Variants in EHMT2 observed in about 807,000 individuals in gnomAD.
EHMT2 encodes euchromatic histone lysine methyltransferase 2, also known as histone-lysine N-methyltransferase EHMT2.
A neutral mutation model predicts 143.3 loss-of-function variants in EHMT2; 59 were observed. The ratio of observed to expected loss-of-function variants is 0.41; its 90% CI spans 0.33 to 0.51. EHMT2 has a LOEUF of 0.51. Ranked by LOEUF, EHMT2 falls within the 20% of genes least tolerant of loss-of-function variation. The pLI is 0.18. For synonymous variants in EHMT2, 604 were observed against 651.5 expected, an observed-to-expected ratio of 0.93 and a Z score of 1.11; for missense variants, 1,174 against 1,645.9, an observed-to-expected ratio of 0.71 and a Z score of 4.96.
chr6:31,883,306 G>A lies in EHMT2; in HGVS notation c.2994+56C>T, dbSNP rs1283442584. ...GTCCCAGGGAGCTGGTTTATTGGAG[G>A]CTGGCTCCTCTGAAGGAGGGGCCGG... is the stretch of plus-strand genomic sequence containing the variant. On this transcript the variant is annotated intron_variant, in intron 23 of 27. Transcript: ENST00000375537. The surrounding 1 kb of genome is among the most constrained non-coding windows in gnomAD (Gnocchi z 5.6). 4 of 1,549,538 alleles carry A rather than the reference G, an allele frequency of 2.6e-6. No individual in the cohort carries two copies. The highest frequency in any genetic ancestry group is 2.7e-5 in the African/African-American group (2 of 73,678).
exon 28 of EHMT2, chr6:31,879,919 G>T: frequency 1.2e-6 from 1 of 831,208 alleles, no homozygotes; most frequent in Non-Finnish European, 1.8e-6. Flanking sequence ...GGGAGGGGCT[G>T]TCAGACCTCC....
intron 18 of EHMT2, chr6:31,885,398 C>G (rs1407596593): frequency 1.2e-5 from 2 of 170,262 alleles, no homozygotes; most frequent in African/African-American, 4.8e-5. Flanking sequence ...TGGCGTGAAC[C>G]CGGGAGGCGG....
Position 31,889,993 on chromosome 6 carries a change from C to T in EHMT2, c.865-391G>A, listed in dbSNP as rs906927289. On this transcript the variant is annotated intron_variant, in intron 7 of 27. Coordinates refer to ENST00000375537, the Ensembl canonical transcript of EHMT2. The surrounding 1 kb of genome is among the most constrained non-coding windows in gnomAD (Gnocchi z 5.1). Reference sequence around the variant, plus strand: ...AAGGTTCAGGCTGACATCACCTGAACCCACTGGTCAATCTTATCACTAACA... The same window carrying T: ...AAGGTTCAGGCTGACATCACCTGAATCCACTGGTCAATCTTATCACTAACA... Among the ~76,000 whole-genome samples, 1 of 152,174 alleles carries T rather than the reference C, an allele frequency of 6.6e-6. No homozygotes were observed. Among genetic ancestry groups the T allele is most frequent in the Non-Finnish European group, 1.5e-5 (1 of 68,028 alleles).
intron 1 of EHMT2, 173 bp from the exon 2 acceptor site, chr6:31,897,162 C>T (rs749360710): frequency 7.5e-7 from 1 of 1,336,546 alleles, no homozygotes; most frequent in Non-Finnish European, 9.6e-7. Context: ...ACCCCTCCCC[C>T]GGGCCCGCAT....
At position 31,883,505 on chromosome 6, in the gene EHMT2, C is replaced by A; in HGVS notation, c.2917-66G>T. The A allele has an allele frequency of 6.8e-7, 1 of 1,475,822 alleles. No homozygotes were observed. Among genetic ancestry groups the A allele is most frequent in the Non-Finnish European group, 9.3e-7 (1 of 1,072,406 alleles). The allele number at this position is 1,475,822 out of a possible 1,614,324, so 91.4% of individuals were successfully genotyped here. On this transcript the variant is annotated intron_variant, in intron 22 of 27. Coordinates refer to ENST00000375537, the Ensembl canonical transcript of EHMT2. This position sits in a 1 kb window ranked among gnomAD's most constrained non-coding sequence, Gnocchi z 5.6. ...GTCTGGGCCCCTCTACTCTTGATGC[C>A]CCCTGACCCCCTAACCACTGTCCTT...
Position 31,889,492 on chromosome 6 carries a change from C to T in EHMT2, c.975G>A (p.Glu325=), listed in dbSNP as rs756653014. The change falls in exon 8 of 28, where the codon GAG becomes GAA. Residue 325 remains glutamate, a synonymous_variant. Transcript: ENST00000375537. The surrounding 1 kb of genome is among the most constrained non-coding windows in gnomAD (Gnocchi z 5.1). ...CCCTATCTGACTGATTCCCTGACTCCTCATCTTCCTCTTCTTCTTCCTCTT... is the reference window on the plus strand; with the variant it reads ...CCCTATCTGACTGATTCCCTGACTCTTCATCTTCCTCTTCTTCTTCCTCTT... The T allele has an allele frequency of 1.2e-5, 19 of 1,612,764 alleles. 1 individual carries two copies. In the South Asian group the frequency reaches 2.0e-4, roughly 17 times the overall value.
At chr6:31,886,504 C>A in intron 18 of EHMT2, 77 bp downstream of exon 18, 1 of 1,326,084 alleles carries the variant, frequency 7.5e-7, no homozygotes, top group Admixed American at 2.0e-5. Context: ...GTAGGAAAGG[C>A]GGCCCAAAGC....
At position 31,884,816 on chromosome 6, in the gene EHMT2, G is replaced by A. The variant is rs777843303; in HGVS notation, c.2449-17C>T. 1 of 1,588,498 alleles carries A rather than the reference G, an allele frequency of 6.3e-7. No homozygotes were observed. Among genetic ancestry groups the A allele is most frequent in the Non-Finnish European group, 8.6e-7 (1 of 1,165,050 alleles). On this transcript the variant is annotated splice_polypyrimidine_tract_variant and intron_variant, in intron 19 of 27. Transcript: ENST00000375537. The surrounding 1 kb of genome is among the most constrained non-coding windows in gnomAD (Gnocchi z 7.3). ...GTTCTCCTCCTGTGGAGGTAGGAGG[G>A]GAACAGATGAGGTGCAGGCAGCTGG... is the stretch of plus-strand genomic sequence containing the variant.
At chr6:31,887,955 C>T (rs770053575) in exon 14 of EHMT2, 9 of 1,593,004 alleles carry the variant, frequency 5.6e-6, no homozygotes, top group Non-Finnish European at 7.7e-6. Flanking sequence ...GCCCTCGCAT[C>T]CGGGCACTGT....
chr6:31,896,976 G>A, exon 2 of EHMT2: 1 of 1,579,272 alleles, frequency 6.3e-7, no homozygotes. Flanking sequence ...CCCCATCTCA[G>A]CGGGGGCCTC....
Position 31,889,701 on chromosome 6 carries a change from C to G in EHMT2, c.865-99G>C. On this transcript the variant is annotated intron_variant, in intron 7 of 27. Transcript: ENST00000375537. The surrounding 1 kb of genome is among the most constrained non-coding windows in gnomAD (Gnocchi z 5.1). Reference sequence around the variant, plus strand: ...CACCATTGCCCCCCGCCACTACCCACGGATGGCTGCTGGGGATAAGTGTGG... The same window carrying G: ...CACCATTGCCCCCCGCCACTACCCAGGGATGGCTGCTGGGGATAAGTGTGG... The G allele has an allele frequency of 2.0e-6, 3 of 1,466,360 alleles. No individual in the cohort carries two copies. The highest frequency in any genetic ancestry group is 2.8e-6 in the Non-Finnish European group (3 of 1,065,770). The allele number at this position is 1,466,360 out of a possible 1,614,324, so 90.8% of individuals were successfully genotyped here. A position where few individuals can be genotyped will look rare whatever the true frequency, so the allele number is the denominator to read the frequency against.
Position 31,884,247 on chromosome 6 carries a change from G to C in EHMT2, c.2771+145C>G. ...TTATTTGCTGTATCTGGCAACCCTA[G>C]TGGGGAGGGGGCCTGTGGGTGGTTC... On this transcript the variant is annotated intron_variant, in intron 21 of 27. Transcript: ENST00000375537. The surrounding 1 kb of genome is among the most constrained non-coding windows in gnomAD (Gnocchi z 7.3). 1.0e-6 allele frequency: 1 copy of C among 971,174 alleles called. No homozygotes were observed. Among genetic ancestry groups the C allele is most frequent in the Non-Finnish European group, 1.5e-6 (1 of 672,130 alleles). The allele number at this position is 971,174 out of a possible 1,614,324, so 60.2% of individuals were successfully genotyped here. A position where few individuals can be genotyped will look rare whatever the true frequency, so the allele number is the denominator to read the frequency against.
Position 31,884,694 on chromosome 6 carries a change from C to T in EHMT2, c.2554G>A (p.Asp852Asn), listed in dbSNP as rs1048874439. Residue 852 changes from aspartate (D) to asparagine (N), a missense_variant, in exon 20 of 28, where the codon GAC becomes AAC. Coordinates refer to ENST00000375537, the Ensembl canonical transcript of EHMT2. The surrounding 1 kb of genome is among the most constrained non-coding windows in gnomAD (Gnocchi z 7.3). ...CGAGCTGCGATGTGCAGGGGGGTGT[C>T]CCCATGGTAGTTGACAGCATGGAGG... The T allele has an allele frequency of 6.3e-7, 1 of 1,586,896 alleles. No homozygotes were observed. The highest frequency in any genetic ancestry group is 8.6e-7 in the Non-Finnish European group (1 of 1,164,054).
At chr6:31,882,115 AT>A (rs1348221211) in intron 25 of EHMT2, among the ~76,000 whole-genome samples, 1 of 142,204 alleles carries the variant, frequency 7.0e-6, no homozygotes, top group African/African-American at 2.8e-5. Flanking sequence ...CAAAAAATAA[AT>A]TAAAAAAAAA....
intron 15 of EHMT2, 60 bp downstream of exon 15, chr6:31,887,517 A>G: frequency 6.8e-7 from 1 of 1,479,076 alleles, no homozygotes; most frequent in Non-Finnish European, 9.4e-7. Context: ...CCCTGTACCC[A>G]GTGCCTGGTA....
Position 31,888,878 on chromosome 6 carries a change from C to G in EHMT2, c.1216+91G>C. On this transcript the variant is annotated intron_variant, in intron 10 of 27. Transcript: ENST00000375537. This position sits in a 1 kb window ranked among gnomAD's most constrained non-coding sequence, Gnocchi z 7.4. ...AACCCCTAAAGCCTGGCCATGGACA[C>G]CCCGGCTCTGGCGTGGTTCCCCTCC... 2.7e-6 allele frequency: 4 copies of G among 1,495,464 alleles called. No individual in the cohort carries two copies. The African/African-American group carries it at 4.1e-5, about 16-fold the overall frequency. The allele number at this position is 1,495,464 out of a possible 1,614,324, so 92.6% of individuals were successfully genotyped here.
Position 31,889,276 on chromosome 6 carries a change from A to G in EHMT2, c.1066T>C (p.Ser356Pro). The G allele has an allele frequency of 2.5e-6, 4 of 1,612,062 alleles. No individual in the cohort carries two copies. Among genetic ancestry groups the G allele is most frequent in the Non-Finnish European group, 3.4e-6 (4 of 1,179,912 alleles). The change falls in exon 9 of 28, where the codon TCT (serine) becomes CCT (proline). Residue 356 changes from serine (S) to proline (P), a missense_variant. Transcript: ENST00000375537. The surrounding 1 kb of genome is among the most constrained non-coding windows in gnomAD (Gnocchi z 5.1). ...GGCTCCCGCTTGCGCCGTTTCCGAG[A>G]CGGCTTCACCCATGGGCTGTCTTTT... is the stretch of plus-strand genomic sequence containing the variant.
rs574143836 is a variant in EHMT2 at position 31,889,543 on chromosome 6, T to C, written c.924A>G (p.Glu308=). ...CCTCCTCCTCTTCCTCTTCTTCTTC[T>C]TCCTCCTCTTCCTCCTCCTCCTCTT... The change falls in exon 8 of 28, where the codon GAA becomes GAG. Residue 308 remains glutamate, a synonymous_variant. Transcript: ENST00000375537. This position sits in a 1 kb window ranked among gnomAD's most constrained non-coding sequence, Gnocchi z 5.1. 35 of 1,610,792 alleles carry C rather than the reference T, an allele frequency of 2.2e-5. No homozygotes were observed. The highest frequency in any genetic ancestry group is 1.5e-4 in the African/African-American group (11 of 74,970).
chr6:31,883,535 T>C lies in EHMT2; in HGVS notation c.2917-96A>G, dbSNP rs1764396659. ...GACCCCCTAACCACTGTCCTTTCTT[T>C]GGGGTCCATGTGTTACAACAGTGGG... On this transcript the variant is annotated intron_variant, in intron 22 of 27. Coordinates refer to ENST00000375537, the Ensembl canonical transcript of EHMT2. This position sits in a 1 kb window ranked among gnomAD's most constrained non-coding sequence, Gnocchi z 5.6. The C allele has an allele frequency of 2.3e-6, 3 of 1,295,590 alleles. No homozygotes were observed. Among genetic ancestry groups the C allele is most frequent in the Non-Finnish European group, 3.3e-6 (3 of 914,306 alleles). 80.3% of individuals were successfully genotyped at this position (1,295,590 alleles called of 1,614,324 possible). A position where few individuals can be genotyped will look rare whatever the true frequency, so the allele number is the denominator to read the frequency against.
Sources: allele counts gnomAD v4.1 joint callset (sites outside exome capture counted in the v4.1 genomes callset), GRCh38; gene constraint gnomAD v4.1.1; non-coding constraint Gnocchi (gnomAD v3.1); transcripts MANE v1.5; gene names NCBI Gene and HGNC (gene_info 2026-07-23, HGNC 2026-07-21).